Variants in PLEKHG5 observed in about 807,000 individuals in gnomAD.
PLEKHG5 encodes the protein pleckstrin homology domain-containing family G member 5.
Under a neutral mutation model 103.8 loss-of-function variants are expected in PLEKHG5, and 52 were observed. The observed-to-expected ratio is 0.50, with a 90% CI of 0.40 to 0.63. The LOEUF is 0.63. Among genes scored for constraint, PLEKHG5 ranks in the 30% least tolerant of loss-of-function variants. The pLI, the probability that PLEKHG5 is intolerant of heterozygous loss-of-function variation, is 0.00. For missense variants in PLEKHG5, 1,205 were observed against 1,347.6 expected (o/e 0.89, Z 1.66); for synonymous variants, 592 against 575.5 (o/e 1.03, Z -0.41).
chr1:6,498,935 G>A (rs1225397851), upstream of PLEKHG5, among the ~76,000 whole-genome samples: 1 of 152,222 alleles, frequency 6.6e-6, no homozygotes, highest in Non-Finnish European at 1.5e-5. Context: ...AAGCTGACTT[G>A]AGGGTGGAGT....
At chr1:6,473,979 C>CCCCCCCCCCCCCT in intron 7 of PLEKHG5, 34 bp downstream of exon 7, 1 of 1,282,058 alleles carries the variant, frequency 7.8e-7, no homozygotes, top group Non-Finnish European at 1.1e-6. Flanking sequence ...GGCCCCTTCC[C>CCCCCCCCCCCCCT]ACCCCCTCCC....
In PLEKHG5 at chr1:6,469,166, C is replaced by T. The variant is rs367607512; in HGVS notation, c.2125G>A (p.Asp709Asn). 1 of 1,613,082 alleles carries T rather than the reference C, an allele frequency of 6.2e-7. No individual in the cohort carries two copies. ...TCCTCCTCTTCCTCCTCCTGCTCAT[C>T]CTCCTCCTCTTCCAGGCTCTGCAGG... ...QPLQSLEEEE[D>N]EQEEEEEEEE... Residue 709 changes from aspartate (D) to asparagine (N), a missense_variant, in exon 19 of 21, where the codon GAT becomes AAT. Coordinates refer to ENST00000377728, the MANE Select transcript of PLEKHG5 (RefSeq NM_020631.6).
Position 6,477,670 on chromosome 1 carries a change from A to C in PLEKHG5, c.-87-12T>G. 1 of 1,599,420 alleles carries C rather than the reference A, an allele frequency of 6.3e-7. No individual in the cohort carries two copies. Among genetic ancestry groups the C allele is most frequent in the Non-Finnish European group, 8.5e-7 (1 of 1,179,550 alleles). On this transcript the variant is annotated splice_polypyrimidine_tract_variant and intron_variant, in intron 1 of 20. Transcript: ENST00000377728. ...GCGTGGTGACATACCTGGGGTGGGG[A>C]CAGAAGCCTTCAGGAGGTCCACGAG...
upstream of PLEKHG5, chr1:6,496,915 T>C: frequency 6.8e-7 from 1 of 1,463,002 alleles, no homozygotes; most frequent in Non-Finnish European, 9.0e-7. Context: ...GCAGGGCTGC[T>C]GGGGGGAAGG....
In PLEKHG5 at chr1:6,467,432, A is replaced by G; in HGVS notation, c.*131T>C. On this transcript the variant is annotated 3_prime_UTR_variant, in exon 21 of 21. Coordinates refer to ENST00000377728, the MANE Select transcript of PLEKHG5 (RefSeq NM_020631.6). ...CAAAGCGCAAATCGGGCCCGGGCGT[A>G]GGCAGGGATCCTGCCCAGCATCCGG... 3.1e-6 allele frequency: 3 copies of G among 975,260 alleles called. No individual in the cohort carries two copies. Among genetic ancestry groups the G allele is most frequent in the South Asian group, 1.3e-5 (1 of 78,426 alleles). The allele number at this position is 975,260 out of a possible 1,614,324, so 60.4% of individuals were successfully genotyped here. A position where few individuals can be genotyped will look rare whatever the true frequency, so the allele number is the denominator to read the frequency against.
rs1023413166 is a variant in PLEKHG5 at position 6,505,118 on chromosome 1, G to A, written c.-164-8549C>T. Among the ~76,000 whole-genome samples the A allele has an allele frequency of 4.6e-5, 7 of 152,266 alleles. No individual in the cohort carries two copies. Among genetic ancestry groups the A allele is most frequent in the Middle Eastern group, 3.4e-3 (1 of 294 alleles). Reference sequence around the variant, plus strand: ...AGAAGAGAACCCAGGCCCAGGCCCCGGCCCCAGACAGTTCCACAGTGCTGG... The same window carrying A: ...AGAAGAGAACCCAGGCCCAGGCCCCAGCCCCAGACAGTTCCACAGTGCTGG... On this transcript the variant is annotated intron_variant, in intron 1 of 21. Transcript: ENST00000377740. This position sits in a 1 kb window ranked among gnomAD's most constrained non-coding sequence, Gnocchi z 4.2.
chr1:6,480,813 T>A (rs1644879404), intron 1 of PLEKHG5, among the ~76,000 whole-genome samples: 1 of 151,906 alleles, frequency 6.6e-6, no homozygotes, highest in South Asian at 2.1e-4. Flanking sequence ...CATACCCAGC[T>A]AATTTTTAGT....
upstream of PLEKHG5, among the ~76,000 whole-genome samples, chr1:6,493,879 C>T (rs1193623624): frequency 3.3e-5 from 5 of 152,050 alleles, no homozygotes; most frequent in Non-Finnish European, 5.9e-5. Context: ...AGACTAGTCT[C>T]GAACTCCTGA....
At chr1:6,471,173 C>A (rs901399461) in intron 12 of PLEKHG5, 73 bp from the exon 13 acceptor site, 1 of 1,242,144 alleles carries the variant, frequency 8.1e-7, no homozygotes. Flanking sequence ...CCAGGCGCTG[C>A]GCAAGCGCTT....
Position 6,473,271 on chromosome 1 carries a change from TG to T in PLEKHG5, c.774del (p.Ser259AlafsTer9). The T allele has an allele frequency of 6.2e-7, 1 of 1,607,552 alleles. No homozygotes were observed. Among genetic ancestry groups the T allele is most frequent in the Non-Finnish European group, 8.5e-7 (1 of 1,177,492 alleles). On this transcript the variant is annotated frameshift_variant, in exon 8 of 21. Coordinates refer to ENST00000377728, the MANE Select transcript of PLEKHG5 (RefSeq NM_020631.6). LOFTEE classifies it high-confidence loss of function. The part of the protein sequence containing the change: ...SRFSGFFSSG[P>X]STSAFGREVD... ...CATACCCGGCCAAAGGCGCTGGTGC[TG>T]GGGCCGGAGCTGAAAAAGCCGCTGA...
Position 6,467,422 on chromosome 1 carries a change from G to A in PLEKHG5, c.*141C>T. ...TCCAGTCCGGCAAAGCGCAAATCGG[G>A]CCCGGGCGTAGGCAGGGATCCTGCC... On this transcript the variant is annotated 3_prime_UTR_variant, in exon 21 of 21. Transcript: ENST00000377728. The A allele has an allele frequency of 4.4e-6, 4 of 910,294 alleles. No individual in the cohort carries two copies. The highest frequency in any genetic ancestry group is 7.3e-6 in the Non-Finnish European group (4 of 545,752). 56.4% of individuals were successfully genotyped at this position (910,294 alleles called of 1,614,324 possible).
chr1:6,514,060 C>T (rs1237429153), intron 1 of PLEKHG5, among the ~76,000 whole-genome samples: 2 of 152,176 alleles, frequency 1.3e-5, no homozygotes, highest in East Asian at 1.9e-4. Flanking sequence ...TGGAGGTTCA[C>T]GTCTACAGTC....
At chr1:6,517,996 C>A (rs1372458833) in intron 1 of PLEKHG5, among the ~76,000 whole-genome samples, 1 of 152,006 alleles carries the variant, frequency 6.6e-6, no homozygotes, top group Non-Finnish European at 1.5e-5. Flanking sequence ...GCAGTGGCTC[C>A]ATCTTGGCTC....
upstream of PLEKHG5, among the ~76,000 whole-genome samples, chr1:6,499,002 T>C (rs968272553): frequency 2.0e-5 from 3 of 152,206 alleles, no homozygotes; most frequent in Non-Finnish European, 4.4e-5. Context: ...GCCATCTGTG[T>C]TTCCACGGGG....
intron 1 of PLEKHG5, among the ~76,000 whole-genome samples, chr1:6,514,592 C>A (rs774541383): frequency 2.0e-5 from 3 of 151,382 alleles, no homozygotes; most frequent in Non-Finnish European, 4.4e-5. Flanking sequence ...GAAACCTTGT[C>A]TCTACTAAAA....
chr1:6,470,692 G>C (rs756006279), intron 14 of PLEKHG5, 43 bp downstream of exon 14: 1 of 1,552,906 alleles, frequency 6.4e-7, no homozygotes, highest in African/African-American at 1.4e-5. Flanking sequence ...ACGGAGCAGA[G>C]AGCCGCGCAG....
chr1:6,492,957 A>C (rs1183653946), upstream of PLEKHG5, among the ~76,000 whole-genome samples: 1 of 87,416 alleles, frequency 1.1e-5, no homozygotes, highest in African/African-American at 6.2e-5. Context: ...TATAGCCCCC[A>C]ATGTCCCCCC....
chr1:6,488,217 C>T (rs573211189), intron 1 of PLEKHG5, among the ~76,000 whole-genome samples: 12 of 152,370 alleles, frequency 7.9e-5, no homozygotes, highest in South Asian at 6.2e-4. Flanking sequence ...GAATCCCATT[C>T]GCTCTTCTCA....
chr1:6,515,712 T>C (rs1638594143), intron 1 of PLEKHG5, among the ~76,000 whole-genome samples: 1 of 150,844 alleles, frequency 6.6e-6, no homozygotes, highest in South Asian at 2.1e-4. Flanking sequence ...TCTTTAGAAG[T>C]GGGAAATCTA....
Sources: allele counts gnomAD v4.1 joint callset (sites outside exome capture counted in the v4.1 genomes callset), GRCh38; gene constraint gnomAD v4.1.1; non-coding constraint Gnocchi (gnomAD v3.1); transcripts MANE v1.5; gene names NCBI Gene and HGNC (gene_info 2026-07-23, HGNC 2026-07-21).